The following ERBB4 variants were observed in gnomAD, a reference collection of about 807,000 sequenced individuals.
ERBB4 encodes the protein receptor tyrosine-protein kinase erbB-4.
A neutral mutation model predicts 158.0 loss-of-function variants in ERBB4; 42 were observed. The ratio of observed to expected loss-of-function variants is 0.27; its 90% confidence interval spans 0.21 to 0.34. The LOEUF (loss-of-function observed/expected upper bound fraction) is 0.34. Ranked by LOEUF, ERBB4 falls within the 10% of genes least tolerant of loss-of-function variation. The pLI, the probability that ERBB4 is intolerant of heterozygous loss-of-function variation, is 1.00. For synonymous variants in ERBB4, 583 were observed against 558.7 expected, an observed-to-expected ratio of 1.04 and a Z score of -0.61; for missense variants, 1,333 against 1,624.1, an observed-to-expected ratio of 0.82 and a Z score of 3.08.
At chr2:211,755,840 C>A (rs992502818) in intron 4 of ERBB4, among the ~76,000 whole-genome samples, 28 of 152,272 alleles carry the variant, frequency 1.8e-4, no homozygotes, top group African/African-American at 6.3e-4. Context: ...TATGCCAGGA[C>A]AGTTGAAGAG....
intron 1 of ERBB4, among the ~76,000 whole-genome samples, chr2:212,536,659 G>A (rs1693084471): frequency 6.6e-6 from 1 of 152,156 alleles, no homozygotes; most frequent in African/African-American, 2.4e-5. Flanking sequence ...GAACTAATTT[G>A]GATTACATTC....
At chr2:212,392,214 T>G in intron 1 of ERBB4, among the ~76,000 whole-genome samples, 1 of 152,012 alleles carries the variant, frequency 6.6e-6, no homozygotes, top group East Asian at 1.9e-4. Flanking sequence ...ACCAATGTCC[T>G]TAGTCCCTTC....
chr2:211,898,646 G>A (rs77168851), intron 3 of ERBB4, among the ~76,000 whole-genome samples: 15,338 of 152,122 alleles, frequency 0.1, 937 homozygotes, highest in African/African-American at 0.16. Context: ...AAAATGCACT[G>A]CTTGACTCTT....
intron 17 of ERBB4, among the ~76,000 whole-genome samples, chr2:211,627,422 G>C (rs966972122): frequency 6.6e-6 from 1 of 152,194 alleles, no homozygotes. Context: ...TATTTTGCTT[G>C]AACATGTCTA....
intron 2 of ERBB4, among the ~76,000 whole-genome samples, chr2:212,065,703 C>T (rs906120119): frequency 6.6e-6 from 1 of 151,990 alleles, no homozygotes; most frequent in African/African-American, 2.4e-5. Context: ...GATTACATGT[C>T]ATTAAGATCC....
chr2:212,060,269 C>T (rs1302686841), intron 2 of ERBB4, among the ~76,000 whole-genome samples: 1 of 152,082 alleles, frequency 6.6e-6, no homozygotes, highest in Admixed American at 6.5e-5. Context: ...GATACCATCT[C>T]ACACCAGTTA....
chr2:212,068,122 G>A (rs2077999481), intron 2 of ERBB4, among the ~76,000 whole-genome samples: 1 of 152,028 alleles, frequency 6.6e-6, no homozygotes, highest in Non-Finnish European at 1.5e-5. Flanking sequence ...GATAGTCACA[G>A]TAGTTTCTCT....
intron 1 of ERBB4, among the ~76,000 whole-genome samples, chr2:212,527,670 T>A (rs1692521931): frequency 6.7e-6 from 1 of 150,224 alleles, no homozygotes. Flanking sequence ...CCAAGTTGTA[T>A]AAATGCAGAT....
Position 212,337,180 on chromosome 2 carries a change from T to C in ERBB4, c.82+201269A>G, listed in dbSNP as rs575948823. On this transcript the variant is annotated intron_variant, in intron 1 of 27. Coordinates refer to ENST00000342788, the MANE Select transcript of ERBB4 (RefSeq NM_005235.3). ...CCAGTGATTTCACAGGAACTGCAAA[T>C]AGTTTGGAGTTATTCTTTTGGAATG... Among the ~76,000 whole-genome samples, 15 of 152,158 alleles carry C rather than the reference T, an allele frequency of 9.9e-5. No individual in the cohort carries two copies. The East Asian group carries it at 2.1e-3, about 22-fold the overall frequency.
At chr2:212,396,189 CT>C in intron 1 of ERBB4, among the ~76,000 whole-genome samples, 1 of 152,202 alleles carries the variant, frequency 6.6e-6, no homozygotes. Context: ...CTTTAAAATG[CT>C]TTAATGAACT....
At chr2:211,623,809 T>C in intron 18 of ERBB4, 113 bp downstream of exon 18, 1 of 1,040,386 alleles carries the variant, frequency 9.6e-7, no homozygotes, top group Non-Finnish European at 1.4e-6. Context: ...AAAGTCTTCC[T>C]TTCTGAATAT....
chr2:211,494,289 C>T (rs1437439641), intron 20 of ERBB4, among the ~76,000 whole-genome samples: 1 of 152,060 alleles, frequency 6.6e-6, no homozygotes, highest in Non-Finnish European at 1.5e-5. Context: ...AGGCGTGAGC[C>T]ACCGCACCCC....
At chr2:212,138,238 C>T (rs112530976) in intron 1 of ERBB4, among the ~76,000 whole-genome samples, 5 of 152,064 alleles carry the variant, frequency 3.3e-5, no homozygotes, top group South Asian at 2.1e-4. Flanking sequence ...ACCACACATA[C>T]GAAATATACA....
At chr2:212,023,076 C>T (rs563314898) in intron 2 of ERBB4, among the ~76,000 whole-genome samples, 60 of 152,130 alleles carry the variant, frequency 3.9e-4, no homozygotes, top group African/African-American at 1.4e-3. Context: ...AGAAAGATCT[C>T]TGTCATGGAA....
intron 19 of ERBB4, among the ~76,000 whole-genome samples, chr2:211,607,803 T>G (rs566212588): frequency 6.6e-6 from 1 of 152,126 alleles, no homozygotes; most frequent in South Asian, 2.1e-4. Flanking sequence ...GATAATCACT[T>G]CATGAAAAGC....
At chr2:212,220,447 G>A (rs1471593331) in intron 1 of ERBB4, among the ~76,000 whole-genome samples, 1 of 151,310 alleles carries the variant, frequency 6.6e-6, no homozygotes, top group Admixed American at 6.6e-5. Flanking sequence ...AAAAACCAGA[G>A]ATTTGGTTTT....
chr2:212,475,278 A>G (rs1268404237), intron 1 of ERBB4, among the ~76,000 whole-genome samples: 4 of 152,142 alleles, frequency 2.6e-5, no homozygotes, highest in Non-Finnish European at 5.9e-5. Flanking sequence ...TCTGCTCTGC[A>G]GTCATCATGA....
At chr2:212,333,052 G>A (rs572386033) in intron 1 of ERBB4, among the ~76,000 whole-genome samples, 1 of 152,136 alleles carries the variant, frequency 6.6e-6, no homozygotes, top group Admixed American at 6.6e-5. Flanking sequence ...TCCCTAGAGA[G>A]GATTTGTGTG....
At chr2:211,810,389 A>G (rs2076722203) in intron 3 of ERBB4, among the ~76,000 whole-genome samples, 1 of 152,132 alleles carries the variant, frequency 6.6e-6, no homozygotes, top group Admixed American at 6.6e-5. Context: ...TTGGGTGCAT[A>G]TATATTTAGG....
Sources: allele counts gnomAD v4.1 joint callset (sites outside exome capture counted in the v4.1 genomes callset), GRCh38; gene constraint gnomAD v4.1.1; transcripts MANE v1.5; gene names NCBI Gene and HGNC (gene_info 2026-07-23, HGNC 2026-07-21).